The following PTPRT variants were observed in gnomAD, a reference collection of about 807,000 sequenced individuals.
PTPRT encodes the protein protein tyrosine phosphatase receptor type T.
Under a neutral mutation model 176.8 loss-of-function variants are expected in PTPRT, and 56 were observed. The ratio of observed to expected loss-of-function variants is 0.32; its 90% CI spans 0.26 to 0.40. PTPRT has a LOEUF of 0.40. PTPRT is among the 10% of genes least tolerant of loss of function. PTPRT has a pLI of 1.00. For missense variants in PTPRT, 1,540 were observed against 1,908.2 expected (o/e 0.81, Z 3.60); for synonymous variants, 783 against 739.0 (o/e 1.06, Z -0.96).
intron 11 of PTPRT, among the ~76,000 whole-genome samples, chr20:42,329,827 A>G (rs985775094): frequency 2.6e-5 from 4 of 152,204 alleles, no homozygotes; most frequent in African/African-American, 9.6e-5. Flanking sequence ...ACTCTAACTT[A>G]AACATCATTT....
intron 30 of PTPRT, among the ~76,000 whole-genome samples, chr20:42,081,143 A>G (rs1208308644): frequency 6.6e-6 from 1 of 152,178 alleles, no homozygotes; most frequent in Non-Finnish European, 1.5e-5. Flanking sequence ...TCGAATGCCC[A>G]GCTGGCATCA....
intron 1 of PTPRT, among the ~76,000 whole-genome samples, chr20:43,059,526 G>A (rs563660586): frequency 5.6e-4 from 85 of 152,222 alleles, no homozygotes; most frequent in Non-Finnish European, 1.0e-3. Flanking sequence ...GCCCAATAAC[G>A]TGGCTCTCAT....
intron 7 of PTPRT, among the ~76,000 whole-genome samples, chr20:42,546,834 T>G (rs772372117): frequency 3.7e-4 from 57 of 152,166 alleles, no homozygotes; most frequent in Non-Finnish European, 1.5e-4. Flanking sequence ...ATACAACATT[T>G]ACCCACTATG....
intron 11 of PTPRT, among the ~76,000 whole-genome samples, chr20:42,319,331 A>AT (rs928357412): frequency 7.6e-5 from 11 of 145,552 alleles, no homozygotes; most frequent in East Asian, 4.0e-4. Context: ...GCTTCCAAGC[A>AT]TTTTTTTTTA....
rs183938454 is a variant in PTPRT at position 42,768,127 on chromosome 20, G to A, written c.684+3308C>T. On this transcript the variant is annotated intron_variant, in intron 5 of 30. Transcript: ENST00000373187. ...CACACAGGCATTTGTCAGATGGCAC[G>A]ATATAAACTGTGTACCTCCCAATAT... 1.8e-3 allele frequency among the ~76,000 whole-genome samples: 266 copies of A among 151,800 alleles called. 1 individual carries two copies. Among genetic ancestry groups the A allele is most frequent in the African/African-American group, 6.2e-3 (256 of 41,400 alleles).
chr20:42,793,325 C>T (rs745349415), intron 2 of PTPRT, among the ~76,000 whole-genome samples: 4 of 152,150 alleles, frequency 2.6e-5, no homozygotes, highest in Non-Finnish European at 4.4e-5. Context: ...TCATCTCTCA[C>T]CCCCATCCCA....
intron 7 of PTPRT, among the ~76,000 whole-genome samples, chr20:42,621,739 C>T (rs1431933193): frequency 6.6e-6 from 1 of 152,184 alleles, no homozygotes; most frequent in African/African-American, 2.4e-5. Context: ...ATGAATTAAA[C>T]TACTACCTAG....
At chr20:42,662,835 A>T (rs202010760) in intron 7 of PTPRT, among the ~76,000 whole-genome samples, 3 of 128,576 alleles carry the variant, frequency 2.3e-5, no homozygotes, top group Admixed American at 7.9e-5. Flanking sequence ...TTCACTAACT[A>T]ATAAAAATAC....
intron 15 of PTPRT, among the ~76,000 whole-genome samples, chr20:42,201,950 C>CGCGTGTGTGTGT (rs1555800834): frequency 2.8e-5 from 4 of 143,116 alleles, no homozygotes; most frequent in Non-Finnish European, 6.1e-5. Context: ...AGAAAAGTTG[C>CGCGTGTGTGTGT]GTGTGTGTGT....
At chr20:43,054,598 C>T (rs1444666369) in intron 1 of PTPRT, among the ~76,000 whole-genome samples, 1 of 151,640 alleles carries the variant, frequency 6.6e-6, no homozygotes, top group Admixed American at 6.6e-5. Context: ...ACCTTGGTCC[C>T]TGATCTCTAC....
intron 1 of PTPRT, among the ~76,000 whole-genome samples, chr20:43,058,312 G>T (rs1240328262): frequency 2.0e-5 from 3 of 151,940 alleles, no homozygotes; most frequent in Admixed American, 2.0e-4. Context: ...GTGAAAGAGG[G>T]CAAGAAAGAG....
intron 13 of PTPRT, among the ~76,000 whole-genome samples, chr20:42,278,349 G>A (rs1375283525): frequency 2.1e-5 from 3 of 144,472 alleles, no homozygotes; most frequent in Admixed American, 6.9e-5. Flanking sequence ...ATGAGCGAAG[G>A]CCCCAAGCTT....
At position 42,655,596 on chromosome 20, in the gene PTPRT, C is replaced by A. The variant is rs140584719; in HGVS notation, c.1153+22270G>T. ...ATAGTGGCAGCAAAGACTCCTCAGGCCACATCTGTGAATGGGAGAGTAAAA... is the reference window on the plus strand; with the variant it reads ...ATAGTGGCAGCAAAGACTCCTCAGGACACATCTGTGAATGGGAGAGTAAAA... On this transcript the variant is annotated intron_variant, in intron 7 of 30. Transcript: ENST00000373187. 9.6e-3 allele frequency among the ~76,000 whole-genome samples: 1,463 copies of A among 152,268 alleles called. 8 individuals carry two copies. Among genetic ancestry groups the A allele is most frequent in the Non-Finnish European group, 0.016 (1,101 of 68,018 alleles).
chr20:42,133,071 C>G (rs1382005451), intron 18 of PTPRT, among the ~76,000 whole-genome samples: 1 of 152,144 alleles, frequency 6.6e-6, no homozygotes, highest in East Asian at 1.9e-4. Flanking sequence ...TATAAACGTT[C>G]TGTTTTTAAT....
At chr20:42,648,445 A>G (rs2074956057) in intron 7 of PTPRT, among the ~76,000 whole-genome samples, 2 of 152,114 alleles carry the variant, frequency 1.3e-5, no homozygotes, top group African/African-American at 4.8e-5. Flanking sequence ...TTGAATCACT[A>G]CACAGATAAT....
chr20:42,630,331 C>T (rs530064865), intron 7 of PTPRT, among the ~76,000 whole-genome samples: 1 of 152,128 alleles, frequency 6.6e-6, no homozygotes, highest in Non-Finnish European at 1.5e-5. Flanking sequence ...ACATCTGACT[C>T]CCAGAAGGCC....
At chr20:42,841,721 A>G (rs1308125888) in intron 2 of PTPRT, among the ~76,000 whole-genome samples, 1 of 152,096 alleles carries the variant, frequency 6.6e-6, no homozygotes, top group Non-Finnish European at 1.5e-5. Context: ...GAGAATGTCA[A>G]CCTAAGTCTA....
intron 9 of PTPRT, among the ~76,000 whole-genome samples, chr20:42,429,432 G>A (rs2145796023): frequency 6.6e-6 from 1 of 152,258 alleles, no homozygotes; most frequent in South Asian, 2.1e-4. Flanking sequence ...GTCACCTTGG[G>A]AGGAGCTGTG....
chr20:42,791,918 T>G (rs2077381851), intron 2 of PTPRT, among the ~76,000 whole-genome samples: 1 of 152,198 alleles, frequency 6.6e-6, no homozygotes, highest in Admixed American at 6.5e-5. Flanking sequence ...TGCAGTTCCT[T>G]CCAGCAGAAA....
Sources: gnomAD v4.1 joint callset for allele counts (sites outside exome capture counted in the v4.1 genomes callset) on GRCh38, gnomAD v4.1.1 for gene constraint, MANE v1.5 for transcripts, NCBI Gene and HGNC (gene_info 2026-07-23, HGNC 2026-07-21) for gene names.